Variants in PXDNL observed in about 807,000 individuals in gnomAD.
PXDNL encodes peroxidasin like.
In PXDNL, 145 loss-of-function variants were observed where a neutral mutation model predicts 150.8. The ratio of observed to expected loss-of-function variants is 0.96; its 90% CI spans 0.84 to 1.10. The LOEUF is 1.10. Among genes scored for constraint, PXDNL ranks in the 50% least tolerant of loss-of-function variants. The pLI, the probability that PXDNL is intolerant of heterozygous loss-of-function variation, is 0.00. For synonymous variants in PXDNL, 757 were observed against 725.7 expected, an observed-to-expected ratio of 1.04 and a Z score of -0.69; for missense variants, 2,087 against 1,873.9, an observed-to-expected ratio of 1.11 and a Z score of -2.10.
At chr8:51,381,955 T>G (rs1467809967) in intron 17 of PXDNL, among the ~76,000 whole-genome samples, 1 of 152,128 alleles carries the variant, frequency 6.6e-6, no homozygotes, top group Admixed American at 6.5e-5. Context: ...TTTATTATTA[T>G]TATACTTTAA....
At chr8:51,460,997 A>G (rs1364621929) in intron 8 of PXDNL, among the ~76,000 whole-genome samples, 1 of 152,018 alleles carries the variant, frequency 6.6e-6, no homozygotes, top group Non-Finnish European at 1.5e-5. Context: ...CTCCCAAGGC[A>G]CCCACCCAGC....
At chr8:51,393,769 G>C (rs1807983157) in intron 17 of PXDNL, among the ~76,000 whole-genome samples, 2 of 152,286 alleles carry the variant, frequency 1.3e-5, no homozygotes, top group East Asian at 3.9e-4. Context: ...TGAAAAGAAG[G>C]GGCCCCAGCG....
At chr8:51,501,372 ACT>A (rs1371205906) in intron 4 of PXDNL, among the ~76,000 whole-genome samples, 2 of 151,938 alleles carry the variant, frequency 1.3e-5, no homozygotes, top group Admixed American at 6.6e-5. Flanking sequence ...ACACTGACAC[ACT>A]CTGACACACC....
intron 13 of PXDNL, among the ~76,000 whole-genome samples, chr8:51,425,171 G>A (rs1809057909): frequency 6.6e-6 from 1 of 152,204 alleles, no homozygotes; most frequent in African/African-American, 2.4e-5. Context: ...TGGAGTCTCA[G>A]CAATCAGATG....
intron 4 of PXDNL, among the ~76,000 whole-genome samples, chr8:51,521,206 C>T (rs1028292356): frequency 6.6e-6 from 1 of 152,004 alleles, no homozygotes; most frequent in African/African-American, 2.4e-5. Flanking sequence ...TGCATCACTG[C>T]ACTGTAGTCT....
At chr8:51,534,486 G>GT (rs541465330) in intron 4 of PXDNL, among the ~76,000 whole-genome samples, 1 of 54,326 alleles carries the variant, frequency 1.8e-5, no homozygotes, top group African/African-American at 1.4e-4. Context: ...GAGGTGGGGG[G>GT]GTCAGCCCCC....
At chr8:51,381,778 G>A (rs1028621045) in intron 17 of PXDNL, among the ~76,000 whole-genome samples, 27 of 151,062 alleles carry the variant, frequency 1.8e-4, no homozygotes, top group South Asian at 2.1e-4. Flanking sequence ...TCAGCCTCCC[G>A]AGTAGCTGGG....
intron 4 of PXDNL, among the ~76,000 whole-genome samples, chr8:51,501,910 A>T (rs933550098): frequency 1.1e-4 from 17 of 152,190 alleles, no homozygotes; most frequent in Non-Finnish European, 1.6e-4. Flanking sequence ...AGTTAGAAGG[A>T]GGGTCCATTA....
At chr8:51,534,762 C>T (rs1320213944) in intron 4 of PXDNL, among the ~76,000 whole-genome samples, 5 of 115,250 alleles carry the variant, frequency 4.3e-5, no homozygotes, top group African/African-American at 1.8e-4. Context: ...GTCAGCCCCC[C>T]GCCCGGCCAG....
At chr8:51,705,832 TGCGCGC>T (rs10589855) in intron 1 of PXDNL, among the ~76,000 whole-genome samples, 98,517 of 149,602 alleles carry the variant, frequency 0.66, 33,114 homozygotes, top group East Asian at 0.77. Flanking sequence ...TGTGTGTGTG[TGCGCGC>T]GCGCGCGCGC....
chr8:51,482,041 G>T (rs934194823), intron 6 of PXDNL, among the ~76,000 whole-genome samples: 9 of 152,160 alleles, frequency 5.9e-5, no homozygotes, highest in African/African-American at 2.2e-4. Flanking sequence ...ATCCCGGAAT[G>T]GTAGATTCAC....
chr8:51,744,957 A>AGGG (rs2036964150), intron 1 of PXDNL, among the ~76,000 whole-genome samples: 3 of 37,426 alleles, frequency 8.0e-5, no homozygotes, highest in Admixed American at 3.5e-4. Context: ...AGAAAGAAAG[A>AGGG]AAGAAAGAAA....
intron 8 of PXDNL, among the ~76,000 whole-genome samples, chr8:51,463,792 C>T (rs1004676953): frequency 6.6e-6 from 1 of 152,014 alleles, no homozygotes; most frequent in Non-Finnish European, 1.5e-5. Flanking sequence ...AAAATGAATA[C>T]CAAGAATATC....
intron 2 of PXDNL, among the ~76,000 whole-genome samples, chr8:51,629,957 CA>C (rs969108099): frequency 6.7e-5 from 10 of 149,012 alleles, no homozygotes; most frequent in East Asian, 2.0e-4. Flanking sequence ...AATATGGAAC[CA>C]AAAAAAAACC....
In PXDNL at chr8:51,408,530, C is replaced by T. The variant is rs916138639; in HGVS notation, c.3094G>A (p.Gly1032Ser). ...LGDPGTRMLR[G>S]YRGYNPNVNA... ...ACGTTGGGGTTGTAGCCTCGGTAACCCCTCAGCATCCTAGTGCCAGGGTCC... is the reference window on the plus strand; with the variant it reads ...ACGTTGGGGTTGTAGCCTCGGTAACTCCTCAGCATCCTAGTGCCAGGGTCC... The change falls in exon 17 of 23, where the codon GGT becomes AGT. Residue 1032 changes from glycine (G) to serine (S), a missense_variant. Coordinates refer to ENST00000356297, the MANE Select transcript of PXDNL (RefSeq NM_144651.5). 3 of 1,613,224 alleles carry T rather than the reference C, an allele frequency of 1.9e-6. No homozygotes were observed. The highest frequency in any genetic ancestry group is 2.5e-6 in the Non-Finnish European group (3 of 1,179,580).
chr8:51,339,534 T>C, intron 21 of PXDNL, 90 bp downstream of exon 21: 2 of 1,275,242 alleles, frequency 1.6e-6, no homozygotes, highest in South Asian at 2.7e-5. Flanking sequence ...GATACTGTGC[T>C]GTAATTGTGG....
At chr8:51,331,352 C>T (rs1261332887) in intron 21 of PXDNL, among the ~76,000 whole-genome samples, 1 of 152,150 alleles carries the variant, frequency 6.6e-6, no homozygotes, top group African/African-American at 2.4e-5. Context: ...CCAAGCAGCC[C>T]TTTCCTGCCT....
At chr8:51,772,237 T>TACACACAC (rs139112734) in intron 1 of PXDNL, among the ~76,000 whole-genome samples, 56 of 130,440 alleles carry the variant, frequency 4.3e-4, no homozygotes, top group African/African-American at 1.4e-3. Flanking sequence ...TCTCTCTATA[T>TACACACAC]ACACACACAC....
chr8:51,705,807 C>CTGTGTGTGTGTGTGTGTG (rs71550283), intron 1 of PXDNL, among the ~76,000 whole-genome samples: 2 of 143,266 alleles, frequency 1.4e-5, no homozygotes, highest in African/African-American at 5.0e-5. Context: ...GGTGAAAACA[C>CTGTGTGTGTGTGTGTGTG]TGTGTGTGTG....
Sources: gnomAD v4.1 joint callset for allele counts (sites outside exome capture counted in the v4.1 genomes callset) on GRCh38, gnomAD v4.1.1 for gene constraint, MANE v1.5 for transcripts, NCBI Gene and HGNC (gene_info 2026-07-23, HGNC 2026-07-21) for gene names.